The following GALK2 variants were observed in gnomAD, a reference collection of about 807,000 sequenced individuals.
GALK2 encodes the protein N-acetylgalactosamine kinase.
GALK2 carries 36 observed loss-of-function variants against 52.4 expected under a neutral mutation model. The observed-to-expected ratio is 0.69, with a 90% confidence interval of 0.53 to 0.91. GALK2 has a LOEUF of 0.91. Among genes scored for constraint, GALK2 ranks in the 40% least tolerant of loss-of-function variants. The probability of loss-of-function intolerance (pLI) is 0.00; values close to 1 mark genes in which losing one functional copy is unlikely to be tolerated. For missense variants in GALK2, 579 were observed against 559.1 expected (o/e 1.04, Z -0.36); for synonymous variants, 176 against 199.1 (o/e 0.88, Z 0.98).
At chr15:49,175,039 A>T (rs2085346641) in intron 1 of GALK2, among the ~76,000 whole-genome samples, 1 of 152,176 alleles carries the variant, frequency 6.6e-6, no homozygotes, top group Non-Finnish European at 1.5e-5. Flanking sequence ...AGTCATACAT[A>T]TTCAGTAGGT....
intron 7 of GALK2, among the ~76,000 whole-genome samples, chr15:49,287,951 C>CTTTCTCT (rs1440238586): frequency 4.8e-4 from 47 of 98,010 alleles, no homozygotes; most frequent in African/African-American, 1.7e-3. Flanking sequence ...TTCTCTGTCT[C>CTTTCTCT]TGTCTCTTTC....
At chr15:49,279,239 C>T (rs2032345205) in intron 5 of GALK2, among the ~76,000 whole-genome samples, 1 of 152,142 alleles carries the variant, frequency 6.6e-6, no homozygotes, top group African/African-American at 2.4e-5. Context: ...GCTCAATAAA[C>T]CTTAACTACT....
chr15:49,256,508 AT>A (rs2091821729), intron 5 of GALK2, among the ~76,000 whole-genome samples: 1 of 152,178 alleles, frequency 6.6e-6, no homozygotes, highest in South Asian at 2.1e-4. Flanking sequence ...TAGTTAGCAC[AT>A]TGGAAGCAAG....
chr15:49,189,873 A>G (rs1038995606), intron 1 of GALK2, among the ~76,000 whole-genome samples: 2 of 152,196 alleles, frequency 1.3e-5, no homozygotes. Context: ...TTTCCATTTA[A>G]TATTTTCAGA....
intron 3 of GALK2, among the ~76,000 whole-genome samples, chr15:49,341,016 A>G (rs1365824067): frequency 6.6e-6 from 1 of 152,198 alleles, no homozygotes; most frequent in Non-Finnish European, 1.5e-5. Flanking sequence ...TTTATTGAGT[A>G]GGAAGTCCTT....
At chr15:49,255,139 A>G (rs2091762015) in intron 5 of GALK2, among the ~76,000 whole-genome samples, 1 of 143,312 alleles carries the variant, frequency 7.0e-6, no homozygotes, top group Non-Finnish European at 1.6e-5. Context: ...TTATTATCTA[A>G]TATGCAGTTC....
intron 4 of GALK2, 152 bp downstream of exon 4, chr15:49,236,093 A>G: frequency 1.6e-6 from 1 of 620,288 alleles, no homozygotes; most frequent in Middle Eastern, 4.4e-4. Flanking sequence ...AGAGTGGGGA[A>G]GATATGACTG....
At chr15:49,277,888 G>A (rs540219781) in intron 5 of GALK2, among the ~76,000 whole-genome samples, 12 of 152,350 alleles carry the variant, frequency 7.9e-5, no homozygotes, top group Admixed American at 6.5e-4. Context: ...TGGTGGGCCT[G>A]CAGTTGAATA....
chr15:49,175,836 CCTGTCCTGTT>C (rs1355330178), intron 1 of GALK2, among the ~76,000 whole-genome samples: 1 of 152,102 alleles, frequency 6.6e-6, no homozygotes, highest in African/African-American at 2.4e-5. Context: ...TGTGAAGATC[CCTGTCCTGTT>C]CTGTTCCCTT....
chr15:49,341,631 C>CT (rs2040744317), intron 3 of GALK2, among the ~76,000 whole-genome samples: 1 of 152,150 alleles, frequency 6.6e-6, no homozygotes, highest in Non-Finnish European at 1.5e-5. Flanking sequence ...GGATTACAGG[C>CT]TTGAGCCACT....
At chr15:49,258,792 ATATGTGTGTG>A (rs200812643) in intron 5 of GALK2, among the ~76,000 whole-genome samples, 28 of 130,912 alleles carry the variant, frequency 2.1e-4, no homozygotes, top group East Asian at 1.1e-3. Context: ...ATATATATAT[ATATGTGTGTG>A]TGTGTGTGTG....
rs71120671 is a variant in GALK2 at position 49,178,195 on chromosome 15, CTATATATATATATA to C, written c.53+7839_53+7852del. ...AAAAAAAAAAAAAAAAAAAGAAATA[CTATATATATATATA>C]TATATATATATATATATAGAAATAA... On this transcript the variant is annotated intron_variant, in intron 1 of 9. Coordinates refer to ENST00000560031, the MANE Select transcript of GALK2 (RefSeq NM_002044.4). Among the ~76,000 whole-genome samples, 56 of 50,532 alleles carry C rather than the reference CTATATATATATATA, an allele frequency of 1.1e-3. 1 individual carries two copies. The highest frequency in any genetic ancestry group is 2.9e-3 in the African/African-American group (36 of 12,556). The allele number at this position is 50,532 out of a possible 152,430, so 33.2% of individuals were successfully genotyped here. A position where few individuals can be genotyped will look rare whatever the true frequency, so the allele number is the denominator to read the frequency against.
chr15:49,247,411 G>T (rs1195396900), intron 5 of GALK2, among the ~76,000 whole-genome samples: 3 of 152,068 alleles, frequency 2.0e-5, no homozygotes, highest in African/African-American at 2.4e-5. Flanking sequence ...ACCCCTGACA[G>T]TGGCAAGAGA....
chr15:49,341,190 G>T (rs1466586507), intron 3 of GALK2, among the ~76,000 whole-genome samples: 1 of 152,044 alleles, frequency 6.6e-6, no homozygotes, highest in Non-Finnish European at 1.5e-5. Context: ...TTTGAAGTTG[G>T]GTAATATGAT....
At chr15:49,265,015 G>T (rs2092302343) in intron 5 of GALK2, among the ~76,000 whole-genome samples, 3 of 152,164 alleles carry the variant, frequency 2.0e-5, no homozygotes, top group African/African-American at 7.2e-5. Context: ...GGCTGCTTGG[G>T]GGTCAGGGGT....
At chr15:49,257,844 A>T (rs184165929) in intron 5 of GALK2, among the ~76,000 whole-genome samples, 2 of 151,394 alleles carry the variant, frequency 1.3e-5, no homozygotes, top group African/African-American at 4.8e-5. Context: ...GTTCCTTAAA[A>T]TTTTTTTAAC....
chr15:49,254,534 A>G (rs578070721), intron 5 of GALK2, among the ~76,000 whole-genome samples: 1 of 144,172 alleles, frequency 6.9e-6, no homozygotes, highest in Non-Finnish European at 1.6e-5. Context: ...ATTTGTATTT[A>G]TATTTATTTT....
At chr15:49,271,953 A>G (rs4774537) in intron 5 of GALK2, among the ~76,000 whole-genome samples, 62,629 of 152,102 alleles carry the variant, frequency 0.41, 13,056 homozygotes, top group African/African-American at 0.43. Context: ...ATTTTGATGA[A>G]TCAGAAATGT....
At chr15:49,363,870 A>C (rs2044675832) in intron 3 of GALK2, among the ~76,000 whole-genome samples, 1 of 152,076 alleles carries the variant, frequency 6.6e-6, no homozygotes, top group Admixed American at 6.6e-5. Context: ...GTATTGAGAT[A>C]ATCTTATGGG....
Sources: allele counts gnomAD v4.1 joint callset (sites outside exome capture counted in the v4.1 genomes callset), GRCh38; gene constraint gnomAD v4.1.1; transcripts MANE v1.5; gene names NCBI Gene and HGNC (gene_info 2026-07-23, HGNC 2026-07-21).